LYPLAL1: variants seen among roughly 807,000 people sequenced by gnomAD.
LYPLAL1 encodes lysophospholipase like 1.
Under a neutral mutation model 19.7 loss-of-function variants are expected in LYPLAL1, and 23 were observed. The observed-to-expected ratio is 1.17, with a 90% confidence interval of 0.84 to 1.65. The LOEUF (loss-of-function observed/expected upper bound fraction) is 1.65. Ranked by LOEUF, LYPLAL1 falls within the 40% of genes most tolerant of loss-of-function variation. The pLI is 0.00. For missense variants in LYPLAL1, 355 were observed against 279.4 expected, an observed-to-expected ratio of 1.27 and a Z score of -1.93; for synonymous variants, 119 against 96.3, an observed-to-expected ratio of 1.24 and a Z score of -1.38.
the LYPLAL1 span, among the ~76,000 whole-genome samples, chr1:219,261,339 G>A: frequency 2.0e-5 from 3 of 152,072 alleles, no homozygotes; most frequent in South Asian, 2.1e-4. Flanking sequence ...CTCAAGATTC[G>A]TTATCAGTTG....
the LYPLAL1 span, among the ~76,000 whole-genome samples, chr1:219,302,627 G>A: frequency 6.6e-6 from 1 of 152,088 alleles, no homozygotes; most frequent in Non-Finnish European, 1.5e-5. Flanking sequence ...TTGCAGGAAC[G>A]TGTGGAGGAC....
the LYPLAL1 span, among the ~76,000 whole-genome samples, chr1:219,335,530 G>A: frequency 5.3e-5 from 8 of 151,950 alleles, no homozygotes; most frequent in South Asian, 1.7e-3. Context: ...ATTAGAAACA[G>A]TAATTTGGTA....
At chr1:219,259,029 A>G in the LYPLAL1 span, among the ~76,000 whole-genome samples, 1 of 152,120 alleles carries the variant, frequency 6.6e-6, no homozygotes, top group East Asian at 1.9e-4. Flanking sequence ...AACATCACTA[A>G]TTATCAGGGA....
chr1:219,235,413 A>G, the LYPLAL1 span, among the ~76,000 whole-genome samples: 1 of 152,198 alleles, frequency 6.6e-6, no homozygotes, highest in Non-Finnish European at 1.5e-5. Flanking sequence ...CTGTCAAGCT[A>G]AGCATTTTTT....
chr1:219,440,259 G>A, the LYPLAL1 span, among the ~76,000 whole-genome samples: 2 of 152,014 alleles, frequency 1.3e-5, no homozygotes, highest in East Asian at 3.9e-4. Context: ...TGATTTTGAA[G>A]TATTAGTATG....
chr1:219,423,059 G>A, the LYPLAL1 span, among the ~76,000 whole-genome samples: 1 of 152,106 alleles, frequency 6.6e-6, no homozygotes, highest in Admixed American at 6.6e-5. Flanking sequence ...AGAAACAGCA[G>A]TCTAAATTTT....
At chr1:219,296,339 G>T in the LYPLAL1 span, among the ~76,000 whole-genome samples, 2 of 152,266 alleles carry the variant, frequency 1.3e-5, no homozygotes, top group Non-Finnish European at 1.5e-5. Flanking sequence ...GGGCCTCTGG[G>T]GTTCTGCACC....
chr1:219,283,528 C>T, the LYPLAL1 span, among the ~76,000 whole-genome samples: 8 of 152,158 alleles, frequency 5.3e-5, no homozygotes, highest in South Asian at 1.0e-3. Flanking sequence ...TAAGCTGTTT[C>T]GTGCTAGTTG....
chr1:219,250,998 C>G, the LYPLAL1 span, among the ~76,000 whole-genome samples: 4 of 152,084 alleles, frequency 2.6e-5, no homozygotes, highest in Non-Finnish European at 5.9e-5. Flanking sequence ...AATAGCCATT[C>G]TGACTGGTGT....
the LYPLAL1 span, among the ~76,000 whole-genome samples, chr1:219,224,331 G>T: frequency 3.3e-5 from 5 of 152,114 alleles, no homozygotes; most frequent in African/African-American, 1.2e-4. Flanking sequence ...AGTGGCAAGA[G>T]AAAAAATATC....
chr1:219,354,422 C>T, the LYPLAL1 span, among the ~76,000 whole-genome samples: 3 of 152,190 alleles, frequency 2.0e-5, no homozygotes, highest in African/African-American at 7.2e-5. Flanking sequence ...TCTCGAACTC[C>T]TGACCTCAAG....
the LYPLAL1 span, among the ~76,000 whole-genome samples, chr1:219,299,761 G>A: frequency 6.6e-6 from 1 of 152,182 alleles, no homozygotes; most frequent in Non-Finnish European, 1.5e-5. Flanking sequence ...CAATGGTTCA[G>A]AATGGCCTGA....
the LYPLAL1 span, among the ~76,000 whole-genome samples, chr1:219,383,909 G>A: frequency 5.9e-5 from 9 of 152,256 alleles, no homozygotes; most frequent in African/African-American, 2.2e-4. Context: ...TGTCATTTCT[G>A]TTTACATATA....
the LYPLAL1 span, among the ~76,000 whole-genome samples, chr1:219,255,961 A>T: frequency 6.6e-6 from 1 of 151,830 alleles, no homozygotes; most frequent in Non-Finnish European, 1.5e-5. Context: ...ATGCATTACT[A>T]GATTAGCTTG....
intron 2 of LYPLAL1, among the ~76,000 whole-genome samples, chr1:219,179,964 C>G (rs1656137789): frequency 6.6e-6 from 1 of 152,074 alleles, no homozygotes; most frequent in Non-Finnish European, 1.5e-5. Flanking sequence ...TTCTCATAAT[C>G]TGTTCTTGAT....
the LYPLAL1 span, among the ~76,000 whole-genome samples, chr1:219,322,188 G>A: frequency 1.3e-5 from 2 of 152,074 alleles, no homozygotes; most frequent in Non-Finnish European, 2.9e-5. Flanking sequence ...ATCACTGCCT[G>A]GGAAACCCCA....
chr1:219,286,178 G>A, the LYPLAL1 span, among the ~76,000 whole-genome samples: 3 of 152,144 alleles, frequency 2.0e-5, no homozygotes, highest in Non-Finnish European at 2.9e-5. Flanking sequence ...TGGGGATGGT[G>A]CATGACAGTT....
chr1:219,244,990 T>G, the LYPLAL1 span, among the ~76,000 whole-genome samples: 1 of 150,896 alleles, frequency 6.6e-6, no homozygotes, highest in Non-Finnish European at 1.5e-5. Context: ...CCTTTTTTCC[T>G]TGCTTCTTTA....
the LYPLAL1 span, among the ~76,000 whole-genome samples, chr1:219,255,233 A>G: frequency 6.6e-6 from 1 of 151,772 alleles, no homozygotes; most frequent in Admixed American, 6.6e-5. Context: ...TAAATATGGT[A>G]TATATACTCC....
Sources: allele counts gnomAD v4.1 joint callset (sites outside exome capture counted in the v4.1 genomes callset), GRCh38; gene constraint gnomAD v4.1.1; transcripts MANE v1.5; gene names NCBI Gene and HGNC (gene_info 2026-07-23, HGNC 2026-07-21).